The following IL4 variants were observed in gnomAD, a reference collection of about 807,000 sequenced individuals.
IL4 encodes interleukin 4.
Under a neutral mutation model 17.4 loss-of-function variants are expected in IL4, and 10 were observed. The ratio of observed to expected loss-of-function variants is 0.57; its 90% CI spans 0.35 to 0.97. The LOEUF is 0.97. Ranked by LOEUF, IL4 falls within the 50% of genes least tolerant of loss-of-function variation. The probability of loss-of-function intolerance (pLI) is 0.01; values close to 1 mark genes in which losing one functional copy is unlikely to be tolerated. For missense variants in IL4, 174 were observed against 187.7 expected, an observed-to-expected ratio of 0.93 and a Z score of 0.43; for synonymous variants, 87 against 79.0, an observed-to-expected ratio of 1.10 and a Z score of -0.54.
intron 2 of IL4, among the ~76,000 whole-genome samples, chr5:132,677,218 G>T (rs966121706): frequency 1.3e-5 from 2 of 152,192 alleles, no homozygotes; most frequent in African/African-American, 4.8e-5. Flanking sequence ...CAGTGAGGCT[G>T]GTCAAGAACC....
intron 2 of IL4, among the ~76,000 whole-genome samples, chr5:132,679,003 C>T (rs1217922422): frequency 6.6e-6 from 1 of 152,166 alleles, no homozygotes; most frequent in African/African-American, 2.4e-5. Flanking sequence ...GCCAAAAGGC[C>T]CCTTACAGAA....
rs1408908272 is a variant in IL4 at position 132,682,653 on chromosome 5, T to C, written c.*66T>C. On this transcript the variant is annotated 3_prime_UTR_variant, in exon 4 of 4. Transcript: ENST00000231449. ...GTATTTATATATTTATAACTCATCATAAAATAAAGTATATATAGAATCTAA... is the reference window on the plus strand; with the variant it reads ...GTATTTATATATTTATAACTCATCACAAAATAAAGTATATATAGAATCTAA... 7 of 753,216 alleles carry C rather than the reference T, an allele frequency of 9.3e-6. No homozygotes were observed. In the South Asian group the frequency reaches 9.8e-5, roughly 11 times the overall value. 46.7% of individuals were successfully genotyped at this position (753,216 alleles called of 1,614,324 possible). A position where few individuals can be genotyped will look rare whatever the true frequency, so the allele number is the denominator to read the frequency against.
chr5:132,674,452 G>A lies in IL4; in HGVS notation c.136-7G>A. 1 of 1,613,976 alleles carries A rather than the reference G, an allele frequency of 6.2e-7. No homozygotes were observed. The highest frequency in any genetic ancestry group is 8.5e-7 in the Non-Finnish European group (1 of 1,179,878). On this transcript the variant is annotated splice_polypyrimidine_tract_variant and splice_region_variant and intron_variant, in intron 1 of 3. Transcript: ENST00000231449. ...TCTCTTGCTCTCTCATTTCTGCCTGGACCAAGACTCTGTGCACCGAGTTGA... is the reference window on the plus strand; with the variant it reads ...TCTCTTGCTCTCTCATTTCTGCCTGAACCAAGACTCTGTGCACCGAGTTGA...
chr5:132,675,929 A>ATGTGTGTGTGTG (rs2234664), intron 2 of IL4, among the ~76,000 whole-genome samples: 3,768 of 140,976 alleles, frequency 0.027, 69 homozygotes, highest in Non-Finnish European at 0.035. Context: ...GTGTATGTAT[A>ATGTGTGTGTGTG]TGTGTGTGTG....
Position 132,674,014 on chromosome 5 carries a change from A to C in IL4, c.-37A>C. ...ATCGTTAGCTTCTCCTGATAAACTAATTGCCTCACATTGTCACTGCAAATC... is the reference window on the plus strand; with the variant it reads ...ATCGTTAGCTTCTCCTGATAAACTACTTGCCTCACATTGTCACTGCAAATC... On this transcript the variant is annotated 5_prime_UTR_variant, in exon 1 of 4. Coordinates refer to ENST00000231449, the MANE Select transcript of IL4 (RefSeq NM_000589.4). 3.1e-6 allele frequency: 5 copies of C among 1,603,710 alleles called. No individual in the cohort carries two copies. The highest frequency in any genetic ancestry group is 3.4e-6 in the Non-Finnish European group (4 of 1,171,038).
At chr5:132,681,859 T>C (rs1392162930) in intron 3 of IL4, among the ~76,000 whole-genome samples, 1 of 152,184 alleles carries the variant, frequency 6.6e-6, no homozygotes, top group East Asian at 1.9e-4. Context: ...TGTTCTCTCT[T>C]TTAATTCTCT....
At chr5:132,678,842 A>C (rs1396870228) in intron 2 of IL4, among the ~76,000 whole-genome samples, 1 of 152,246 alleles carries the variant, frequency 6.6e-6, no homozygotes, top group African/African-American at 2.4e-5. Context: ...GGCCAGGTTC[A>C]GACTGAGACA....
intron 2 of IL4, 133 bp from the exon 3 acceptor site, chr5:132,679,581 T>TG (rs781068389): frequency 3.1e-5 from 24 of 762,910 alleles, no homozygotes; most frequent in Non-Finnish European, 5.3e-5. Flanking sequence ...GTGGAATACT[T>TG]GAAGACAGGT....
intron 2 of IL4, among the ~76,000 whole-genome samples, chr5:132,675,901 A>ATG (rs1246332675): frequency 7.9e-6 from 1 of 126,758 alleles, no homozygotes; most frequent in African/African-American, 3.3e-5. Flanking sequence ...GTGTATATAT[A>ATG]TGTGTGTATG....
chr5:132,675,899 ATATG>A (rs1478446089), intron 2 of IL4, among the ~76,000 whole-genome samples: 65 of 133,428 alleles, frequency 4.9e-4, no homozygotes, highest in African/African-American at 1.8e-3. Flanking sequence ...GTGTGTATAT[ATATG>A]TGTGTATGTA....
At chr5:132,675,791 C>T (rs1752364611) in intron 2 of IL4, among the ~76,000 whole-genome samples, 1 of 151,950 alleles carries the variant, frequency 6.6e-6, no homozygotes, top group Non-Finnish European at 1.5e-5. Context: ...CTCAAGCAAT[C>T]CGTCCACCTC....
intron 2 of IL4, among the ~76,000 whole-genome samples, chr5:132,675,770 G>A (rs1284192265): frequency 6.6e-6 from 1 of 151,798 alleles, no homozygotes; most frequent in Non-Finnish European, 1.5e-5. Flanking sequence ...GGCTTGTCTC[G>A]AACTTCTGGG....
intron 2 of IL4, among the ~76,000 whole-genome samples, chr5:132,676,675 C>G (rs930867680): frequency 6.6e-6 from 1 of 152,210 alleles, no homozygotes; most frequent in Non-Finnish European, 1.5e-5. Context: ...AGATTCAGCA[C>G]TGCTTACTTA....
At chr5:132,676,332 A>G (rs1752383329) in intron 2 of IL4, among the ~76,000 whole-genome samples, 1 of 152,206 alleles carries the variant, frequency 6.6e-6, no homozygotes, top group Admixed American at 6.5e-5. Context: ...TGATATAACC[A>G]CGATTAAAAG....
chr5:132,676,597 T>C (rs573380968), intron 2 of IL4, among the ~76,000 whole-genome samples: 1 of 152,316 alleles, frequency 6.6e-6, no homozygotes, highest in South Asian at 2.1e-4. Flanking sequence ...ACCCGTCTCA[T>C]TTGCCTCCCC....
At chr5:132,676,686 CAT>C (rs1386932437) in intron 2 of IL4, among the ~76,000 whole-genome samples, 2 of 152,202 alleles carry the variant, frequency 1.3e-5, no homozygotes, top group Non-Finnish European at 2.9e-5. Context: ...TGCTTACTTA[CAT>C]GTTAAGATAT....
intron 3 of IL4, among the ~76,000 whole-genome samples, chr5:132,681,249 T>G (rs1220249143): frequency 6.6e-6 from 1 of 150,502 alleles, no homozygotes. Context: ...TGAGGAGGAG[T>G]GACCAGTGAG....
At chr5:132,677,853 A>G (rs1052534770) in intron 2 of IL4, 1 of 152,072 alleles carries the variant, frequency 6.6e-6, no homozygotes, top group African/African-American at 2.4e-5. Flanking sequence ...TGTCCCTTCC[A>G]CCTCGACTCG....
rs1752508098 is a variant in IL4, at chr5:132,682,537, G to C, written c.412G>C (p.Glu138Gln). The C allele has an allele frequency of 1.9e-6, 3 of 1,612,790 alleles. No homozygotes were observed. The highest frequency in any genetic ancestry group is 2.5e-6 in the Non-Finnish European group (3 of 1,178,892). ...CCAGAGTACGTTGGAAAACTTCTTG[G>C]AAAGGCTAAAGACGATCATGAGAGA... ...ANQSTLENFLERLKTIMREKY... is the reference protein window; with the variant it reads ...ANQSTLENFLQRLKTIMREKY... The change falls in exon 4 of 4, where the codon GAA becomes CAA. Residue 138 changes from glutamate to glutamine, a missense_variant. Physicochemically the swap from Glu to Gln is conservative, Grantham distance 29. Transcript: ENST00000231449.
Sources: allele counts gnomAD v4.1 joint callset (sites outside exome capture counted in the v4.1 genomes callset), GRCh38; gene constraint gnomAD v4.1.1; transcripts MANE v1.5; gene names NCBI Gene and HGNC (gene_info 2026-07-23, HGNC 2026-07-21).